The following ADCY2 variants were observed in gnomAD, a reference collection of about 807,000 sequenced individuals.
ADCY2 encodes the protein adenylate cyclase type 2.
In ADCY2, 31 loss-of-function variants were observed where a neutral mutation model predicts 125.2. The ratio of observed to expected loss-of-function variants is 0.25; its 90% CI spans 0.19 to 0.33. The LOEUF is 0.33. ADCY2 is among the 10% of genes least tolerant of loss of function. The pLI is 1.00. For synonymous variants in ADCY2, 512 were observed against 548.4 expected (o/e 0.93, Z 0.93); for missense variants, 904 against 1,418.2 (o/e 0.64, Z 5.82).
chr5:7,823,474 C>T (rs569064788), intron 24 of ADCY2, among the ~76,000 whole-genome samples: 27 of 150,496 alleles, frequency 1.8e-4, no homozygotes, highest in African/African-American at 5.8e-4. Flanking sequence ...TTTTGGCAGC[C>T]TAGTCTAATC....
intron 2 of ADCY2, among the ~76,000 whole-genome samples, chr5:7,493,804 A>C (rs1743251658): frequency 6.6e-6 from 1 of 152,188 alleles, no homozygotes; most frequent in African/African-American, 2.4e-5. Context: ...ATTCATCCTA[A>C]GTAAAAGAGG....
At chr5:7,606,180 A>T (rs192450100) in intron 3 of ADCY2, among the ~76,000 whole-genome samples, 14 of 152,256 alleles carry the variant, frequency 9.2e-5, no homozygotes, top group African/African-American at 3.4e-4. Flanking sequence ...GGATTTATTC[A>T]CTTAAAGATT....
chr5:7,456,615 T>C (rs920842703), intron 2 of ADCY2, among the ~76,000 whole-genome samples: 3 of 152,224 alleles, frequency 2.0e-5, no homozygotes, highest in Admixed American at 2.0e-4. Flanking sequence ...AAATACTGCT[T>C]ATTCTTGCTA....
intron 4 of ADCY2, among the ~76,000 whole-genome samples, chr5:7,659,940 C>G (rs1317475866): frequency 6.6e-6 from 1 of 152,090 alleles, no homozygotes; most frequent in Admixed American, 6.6e-5. Context: ...AGTGTGAACA[C>G]CAAGTACAAT....
rs530606106 is a variant in ADCY2, at chr5:7,592,314, TG to T, written c.571-33851del. Among the ~76,000 whole-genome samples the T allele has an allele frequency of 1.2e-3, 188 of 152,274 alleles. 1 individual carries two copies. Among genetic ancestry groups the T allele is most frequent in the Non-Finnish European group, 2.2e-3 (148 of 68,038 alleles). On this transcript the variant is annotated intron_variant, in intron 3 of 24. Coordinates refer to ENST00000338316, the MANE Select transcript of ADCY2 (RefSeq NM_020546.3). ...TCTTTCAGATGGAAGCTGATATCGT[TG>T]GATGAATAAAAAAAGATTCTATAGT...
chr5:7,737,183 G>A (rs1742275042), intron 14 of ADCY2, among the ~76,000 whole-genome samples: 1 of 151,978 alleles, frequency 6.6e-6, no homozygotes, highest in Non-Finnish European at 1.5e-5. Context: ...TTTCCGAAAG[G>A]GAATTTAATA....
At chr5:7,480,378 A>G (rs981372652) in intron 2 of ADCY2, among the ~76,000 whole-genome samples, 3 of 152,242 alleles carry the variant, frequency 2.0e-5, no homozygotes, top group Non-Finnish European at 2.9e-5. Flanking sequence ...TAGACTGGAT[A>G]AAGAAAATAT....
Position 7,554,649 on chromosome 5 carries a change from T to G in ADCY2, c.570+33750T>G, listed in dbSNP as rs149709580. 3.3e-3 allele frequency among the ~76,000 whole-genome samples: 505 copies of G among 152,210 alleles called. 8 individuals carry two copies. The highest frequency in any genetic ancestry group is 0.012 in the African/African-American group (483 of 41,540). On this transcript the variant is annotated intron_variant, in intron 3 of 24. Coordinates refer to ENST00000338316, the MANE Select transcript of ADCY2 (RefSeq NM_020546.3). Reference sequence around the variant, plus strand: ...GATCAACTTCCTTTAATCATCAAGTTTTTTGTGTTGTTTTGTTTTAAGTTC... The same window carrying G: ...GATCAACTTCCTTTAATCATCAAGTGTTTTGTGTTGTTTTGTTTTAAGTTC...
chr5:7,505,639 A>T (rs1743784821), intron 2 of ADCY2, among the ~76,000 whole-genome samples: 1 of 152,186 alleles, frequency 6.6e-6, no homozygotes, highest in Admixed American at 6.5e-5. Context: ...TCCTATTGAG[A>T]TTGTCCTCTT....
At chr5:7,414,280 A>G (rs978667006) in intron 1 of ADCY2, among the ~76,000 whole-genome samples, 1 of 152,240 alleles carries the variant, frequency 6.6e-6, no homozygotes, top group Non-Finnish European at 1.5e-5. Flanking sequence ...GTGTTCTTAC[A>G]TTCACTTCTG....
intron 3 of ADCY2, among the ~76,000 whole-genome samples, chr5:7,538,865 CTTT>C (rs373296689): frequency 8.2e-5 from 7 of 85,094 alleles, no homozygotes; most frequent in Admixed American, 2.4e-4. Context: ...CTTTTCTTTT[CTTT>C]TTTTTTTTTT....
intron 4 of ADCY2, among the ~76,000 whole-genome samples, chr5:7,673,269 A>AAAAATATATATATATATATATAT (rs1554030659): frequency 5.1e-4 from 2 of 3,932 alleles, no homozygotes; most frequent in African/African-American, 1.3e-3. Flanking sequence ...AAAAAAAAAA[A>AAAAATATATATATATATATATAT]ATATATATAT....
At chr5:7,411,678 TAGAG>T (rs1045059199) in intron 1 of ADCY2, among the ~76,000 whole-genome samples, 2 of 151,862 alleles carry the variant, frequency 1.3e-5, no homozygotes, top group East Asian at 1.9e-4. Context: ...AGAGAAAAAA[TAGAG>T]AGTTTACAAT....
chr5:7,727,631 T>C (rs1198538198), intron 14 of ADCY2, among the ~76,000 whole-genome samples: 1 of 152,182 alleles, frequency 6.6e-6, no homozygotes, highest in Non-Finnish European at 1.5e-5. Flanking sequence ...CATTATCTTA[T>C]ATTGAAAGGG....
At chr5:7,816,659 CAGTGTCTTCT>C (rs1936067507) in intron 22 of ADCY2, among the ~76,000 whole-genome samples, 197 bp from the exon 23 acceptor site, 1 of 152,276 alleles carries the variant, frequency 6.6e-6, no homozygotes, top group Non-Finnish European at 1.5e-5. Flanking sequence ...ACACGGAAGT[CAGTGTCTTCT>C]AGCACCTAAC....
In ADCY2 at chr5:7,690,719, C is replaced by A; in HGVS notation, c.749C>A (p.Ala250Asp). The change falls in exon 5 of 25, where the codon GCC becomes GAC. Residue 250 changes from alanine (A) to aspartate (D), a missense_variant. By Grantham distance (126) the Ala-to-Asp change is moderately radical. Around this residue, in one of 7 missense-constraint regions of ADCY2, gnomAD observed 117 missense variants for 248.0 expected, o/e 0.47. Coordinates refer to ENST00000338316, the MANE Select transcript of ADCY2 (RefSeq NM_020546.3). The part of the protein sequence containing the change: ...QERLLLSLLP[A>D]HIAMEMKAEI... ...CGGCTTCTGCTCTCCCTGCTGCCGG[C>A]CCACATCGCCATGGAGATGAAAGCG... is the stretch of plus-strand genomic sequence containing the variant. The A allele has an allele frequency of 6.2e-7, 1 of 1,602,290 alleles. No homozygotes were observed. The highest frequency in any genetic ancestry group is 8.5e-7 in the Non-Finnish European group (1 of 1,175,464).
chr5:7,721,447 G>T (rs1464792761), intron 12 of ADCY2, among the ~76,000 whole-genome samples: 3 of 152,208 alleles, frequency 2.0e-5, no homozygotes, highest in Non-Finnish European at 2.9e-5. Context: ...ATCACTTTTG[G>T]TGTTTTAGTC....
At chr5:7,811,459 C>T (rs1295681806) in intron 22 of ADCY2, among the ~76,000 whole-genome samples, 1 of 151,344 alleles carries the variant, frequency 6.6e-6, no homozygotes, top group African/African-American at 2.4e-5. Flanking sequence ...CGAGATTCCG[C>T]CACTGCACTC....
At chr5:7,437,472 G>A (rs936058121) in intron 2 of ADCY2, among the ~76,000 whole-genome samples, 10 of 152,232 alleles carry the variant, frequency 6.6e-5, no homozygotes, top group African/African-American at 1.9e-4. Flanking sequence ...CAGTGTCACC[G>A]TGCACACGTT....
Sources: gnomAD v4.1 joint callset for allele counts (sites outside exome capture counted in the v4.1 genomes callset) on GRCh38, gnomAD v4.1.1 for gene constraint, gnomAD v4.1.1 regional missense constraint, MANE v1.5 for transcripts, NCBI Gene and HGNC (gene_info 2026-07-23, HGNC 2026-07-21) for gene names.